The following CHST9 variants were observed in gnomAD, a reference collection of about 807,000 sequenced individuals.
CHST9 encodes GalNAc-4-sulfotransferase 2.
Under a neutral mutation model 44.4 loss-of-function variants are expected in CHST9, and 41 were observed. The ratio of observed to expected loss-of-function variants is 0.92; its 90% CI spans 0.72 to 1.20. The LOEUF is 1.20. CHST9 is among the 50% of genes most tolerant of loss of function. CHST9 has a pLI of 0.00. For synonymous variants in CHST9, 171 were observed against 178.4 expected (o/e 0.96, Z 0.33); for missense variants, 504 against 516.5 (o/e 0.98, Z 0.23).
At chr18:26,963,243 T>A (rs2056423083) in intron 4 of CHST9, among the ~76,000 whole-genome samples, 1 of 152,106 alleles carries the variant, frequency 6.6e-6, no homozygotes, top group Non-Finnish European at 1.5e-5. Context: ...ATAAATCTCA[T>A]TTTTCCAAAA....
At chr18:27,087,527 A>G (rs73404856) in intron 2 of CHST9, among the ~76,000 whole-genome samples, 4,095 of 152,204 alleles carry the variant, frequency 0.027, 174 homozygotes, top group African/African-American at 0.092. Flanking sequence ...TAATAAGGAA[A>G]GTGTACCAGG....
chr18:27,069,318 A>C (rs2057814613), intron 2 of CHST9, among the ~76,000 whole-genome samples: 1 of 152,182 alleles, frequency 6.6e-6, no homozygotes, highest in Non-Finnish European at 1.5e-5. Context: ...ATAATTTTGC[A>C]GTTATAAAAA....
intron 1 of CHST9, among the ~76,000 whole-genome samples, chr18:27,152,843 C>G (rs989229386): frequency 6.6e-6 from 1 of 151,860 alleles, no homozygotes; most frequent in Admixed American, 6.6e-5. Flanking sequence ...TCTAAGATGA[C>G]TTGAAGGAGT....
chr18:27,009,438 A>G (rs1026661974), intron 4 of CHST9, among the ~76,000 whole-genome samples: 13 of 152,214 alleles, frequency 8.5e-5, no homozygotes, highest in African/African-American at 3.1e-4. Context: ...TTCGTTGTTC[A>G]TGATCCTTTA....
intron 1 of CHST9, among the ~76,000 whole-genome samples, chr18:27,155,086 TAAAA>T (rs145704285): frequency 8.3e-5 from 9 of 108,740 alleles, no homozygotes; most frequent in East Asian, 2.5e-4. Context: ...TTTCAAAAGT[TAAAA>T]AAAAAAAAAA....
intron 1 of CHST9, among the ~76,000 whole-genome samples, chr18:27,170,063 C>A (rs147937871): frequency 6.6e-6 from 1 of 152,214 alleles, no homozygotes; most frequent in African/African-American, 2.4e-5. Context: ...ATCCTTAACA[C>A]CAAAATCAGG....
chr18:27,110,106 A>G (rs932213863), intron 2 of CHST9, among the ~76,000 whole-genome samples: 5 of 150,830 alleles, frequency 3.3e-5, no homozygotes, highest in Non-Finnish European at 7.4e-5. Flanking sequence ...TAAAGATTCA[A>G]TGTAGAGTTC....
chr18:27,034,892 G>A (rs2057375610), intron 3 of CHST9, among the ~76,000 whole-genome samples: 1 of 152,164 alleles, frequency 6.6e-6, no homozygotes, highest in Admixed American at 6.5e-5. Flanking sequence ...AGTGGAAAAA[G>A]TTGAAAGCTT....
intron 5 of CHST9, among the ~76,000 whole-genome samples, chr18:26,936,916 C>A (rs558891912): frequency 6.6e-6 from 1 of 152,168 alleles, no homozygotes; most frequent in East Asian, 1.9e-4. Context: ...ATTTTCAGTA[C>A]GGAGTTTCAG....
intron 3 of CHST9, among the ~76,000 whole-genome samples, chr18:27,045,442 A>T (rs1277076388): frequency 1.3e-5 from 2 of 152,034 alleles, no homozygotes; most frequent in Non-Finnish European, 2.9e-5. Flanking sequence ...AGATAAAGGT[A>T]CTTCAAACAA....
chr18:27,075,729 A>G (rs2057896989), intron 2 of CHST9, among the ~76,000 whole-genome samples: 1 of 152,200 alleles, frequency 6.6e-6, no homozygotes. Flanking sequence ...ATCTCCTATT[A>G]GACATGGAAA....
intron 2 of CHST9, among the ~76,000 whole-genome samples, chr18:27,055,885 C>A (rs1044960498): frequency 5.3e-5 from 8 of 151,860 alleles, no homozygotes; most frequent in African/African-American, 1.9e-4. Flanking sequence ...GGAATGAGGT[C>A]TTGAGTACCT....
At chr18:27,126,560 T>C (rs554421282) in intron 2 of CHST9, among the ~76,000 whole-genome samples, 14 of 152,118 alleles carry the variant, frequency 9.2e-5, no homozygotes, top group East Asian at 5.8e-4. Flanking sequence ...TGATGGTCAG[T>C]TGAGAAACTG....
At chr18:27,124,957 A>T (rs1213112234) in intron 2 of CHST9, among the ~76,000 whole-genome samples, 1 of 152,244 alleles carries the variant, frequency 6.6e-6, no homozygotes, top group Non-Finnish European at 1.5e-5. Context: ...CAAACTTAAA[A>T]GAAGGCTTAG....
intron 2 of CHST9, among the ~76,000 whole-genome samples, chr18:27,092,464 T>C (rs1207853429): frequency 2.6e-5 from 4 of 152,202 alleles, no homozygotes; most frequent in Non-Finnish European, 5.9e-5. Context: ...GCTCTGATCT[T>C]AATTATTTAT....
intron 2 of CHST9, among the ~76,000 whole-genome samples, chr18:27,102,301 T>A (rs2058180908): frequency 6.6e-6 from 1 of 152,182 alleles, no homozygotes; most frequent in African/African-American, 2.4e-5. Context: ...TTAAGTCAAT[T>A]TGAGGAAAAG....
intron 5 of CHST9, chr18:26,933,260 T>A (rs949681124): frequency 1.3e-5 from 2 of 153,540 alleles, no homozygotes; most frequent in Non-Finnish European, 2.9e-5. Context: ...CTTAAATTAG[T>A]ACTTTTAACC....
At chr18:27,163,478 G>A (rs1598771364) in intron 1 of CHST9, among the ~76,000 whole-genome samples, 1 of 152,178 alleles carries the variant, frequency 6.6e-6, no homozygotes, top group South Asian at 2.1e-4. Context: ...CAAGCTTCCT[G>A]GCCGCTTTGT....
chr18:26,978,906 C>T (rs1191030638), intron 4 of CHST9, among the ~76,000 whole-genome samples: 1 of 152,120 alleles, frequency 6.6e-6, no homozygotes, highest in Non-Finnish European at 1.5e-5. Context: ...AAGGGACGAA[C>T]CCAAGGGAGA....
Sources: allele counts gnomAD v4.1 joint callset (sites outside exome capture counted in the v4.1 genomes callset), GRCh38; gene constraint gnomAD v4.1.1; transcripts MANE v1.5; gene names NCBI Gene and HGNC (gene_info 2026-07-23, HGNC 2026-07-21).